The following FAHD2A variants were observed in gnomAD, a reference collection of about 807,000 sequenced individuals.
FAHD2A encodes fumarylacetoacetate hydrolase domain containing 2A.
FAHD2A carries 27 observed loss-of-function variants against 33.4 expected under a neutral mutation model. That is an observed-to-expected ratio of 0.81 (90% CI 0.60 to 1.11). The LOEUF is 1.11. Among genes scored for constraint, FAHD2A ranks in the 50% most tolerant of loss-of-function variants. The pLI is 0.00. For missense variants in FAHD2A, 296 were observed against 395.0 expected, an observed-to-expected ratio of 0.75 and a Z score of 2.12; for synonymous variants, 130 against 153.3, an observed-to-expected ratio of 0.85 and a Z score of 1.12.
In FAHD2A at chr2:95,412,733, G is replaced by A; in HGVS notation, c.851G>A (p.Gly284Asp). The A allele has an allele frequency of 6.2e-7, 1 of 1,614,160 alleles. No homozygotes were observed. Among genetic ancestry groups the A allele is most frequent in the Non-Finnish European group, 8.5e-7 (1 of 1,180,016 alleles). The change falls in exon 7 of 8, where the codon GGT becomes GAT. Residue 284 changes from glycine to aspartate, a missense_variant. Transcript: ENST00000233379. ...CTAACTGGGACCCCCCCAGGTGTCG[G>A]TGTATTCAGGAAACCTCCTGTCTTT... ...VILTGTPPGV[G>D]VFRKPPVFLK... is the part of the protein sequence containing the mutation.
At chr2:95,418,455 GAATGTGACC>G (rs1285058559), downstream of FAHD2A, among the ~76,000 whole-genome samples, 1 of 151,962 alleles carries the variant, frequency 6.6e-6, no homozygotes, top group African/African-American at 2.4e-5. Context: ...TGAAAGAAGA[GAATGTGACC>G]AAGGCCCCAA....
rs1682871279 is a variant in FAHD2A at position 95,413,621 on chromosome 2, A to G, written c.*664A>G. On this transcript the variant is annotated 3_prime_UTR_variant, in exon 8 of 8. Transcript: ENST00000233379. ...CACTCACCACAGGGACTGTGTCCAC[A>G]TGGCCCAGGGGCCAGGCCTGTCCCC... 2 of 1,479,782 alleles carry G rather than the reference A, an allele frequency of 1.4e-6. No individual in the cohort carries two copies. The highest frequency in any genetic ancestry group is 2.4e-4 in the Middle Eastern group (1 of 4,122). The allele number at this position is 1,479,782 out of a possible 1,614,324, so 91.7% of individuals were successfully genotyped here.
Position 95,414,591 on chromosome 2 carries a change from A to G in FAHD2A, c.*1634A>G. On this transcript the variant is annotated 3_prime_UTR_variant, in exon 8 of 8. Transcript: ENST00000233379. ...TTCCTCCTCCCTGCTCCAGAATTCT[A>G]CTTGGTGCCCCCCAACCCCACTCGA... 3.9e-6 allele frequency: 1 copy of G among 259,604 alleles called. No homozygotes were observed. Among genetic ancestry groups the G allele is most frequent in the Non-Finnish European group, 7.5e-6 (1 of 132,694 alleles). The allele number at this position is 259,604 out of a possible 1,614,324, so 16.1% of individuals were successfully genotyped here.
chr2:95,415,486 A>G lies in FAHD2A; in HGVS notation c.*2529A>G, dbSNP rs1457205360. ...AGGAACATGTGAGATGAAGCATGTT[A>G]TGTTATTAGGCATTCTCTTGATTCG... On this transcript the variant is annotated 3_prime_UTR_variant, in exon 8 of 8. Coordinates refer to ENST00000233379, the MANE Select transcript of FAHD2A (RefSeq NM_016044.3). 1 of 152,514 alleles carries G rather than the reference A, an allele frequency of 6.6e-6. No homozygotes were observed. Among genetic ancestry groups the G allele is most frequent in the African/African-American group, 2.4e-5 (1 of 41,418 alleles). 9.4% of individuals were successfully genotyped at this position (152,514 alleles called of 1,614,324 possible). A position where few individuals can be genotyped will look rare whatever the true frequency, so the allele number is the denominator to read the frequency against.
At position 95,414,132 on chromosome 2, in the gene FAHD2A, A is replaced by G; in HGVS notation, c.*1175A>G. The G allele has an allele frequency of 2.0e-6, 3 of 1,509,932 alleles. No homozygotes were observed. The highest frequency in any genetic ancestry group is 2.7e-6 in the Non-Finnish European group (3 of 1,104,106). 93.5% of individuals were successfully genotyped at this position (1,509,932 alleles called of 1,614,324 possible). A position where few individuals can be genotyped will look rare whatever the true frequency, so the allele number is the denominator to read the frequency against. On this transcript the variant is annotated 3_prime_UTR_variant, in exon 8 of 8. Transcript: ENST00000233379. ...GAGGGATAGATCTCCGACTGGACAG[A>G]AGACTACTCTGCAGCCCGCCTTCCT... is the stretch of plus-strand genomic sequence containing the variant.
chr2:95,412,488 G>A lies in FAHD2A; in HGVS notation c.740G>A (p.Gly247Asp), dbSNP rs1389487809. 1.9e-6 allele frequency: 3 copies of A among 1,613,826 alleles called. No homozygotes were observed. The Admixed American group carries it at 5.0e-5, about 27-fold the overall frequency. The change falls in exon 6 of 8, where the codon GGC becomes GAC. Residue 247 changes from glycine (G) to aspartate (D), a missense_variant. Coordinates refer to ENST00000233379, the MANE Select transcript of FAHD2A (RefSeq NM_016044.3). ...GTGAATGGGGAAGTGGTCCAGAGCG[G>A]CAACACCAACCAGATGGTATTCAAG... is the stretch of plus-strand genomic sequence containing the variant. ...CRVNGEVVQS[G>D]NTNQMVFKTE...
At chr2:95,410,423 C>T in intron 3 of FAHD2A, 104 bp from the exon 4 acceptor site, 1 of 1,454,700 alleles carries the variant, frequency 6.9e-7, no homozygotes, top group Non-Finnish European at 9.4e-7. Flanking sequence ...GCAGCGAAGC[C>T]ATACTGACAA....
downstream of FAHD2A, among the ~76,000 whole-genome samples, chr2:95,417,933 A>C (rs1683253741): frequency 6.6e-6 from 1 of 152,116 alleles, no homozygotes; most frequent in Non-Finnish European, 1.5e-5. Context: ...GTATACAAAT[A>C]TGCAGTCCAC....
At chr2:95,417,838 C>A (rs1683251354), downstream of FAHD2A, among the ~76,000 whole-genome samples, 1 of 152,084 alleles carries the variant, frequency 6.6e-6, no homozygotes, top group Admixed American at 6.5e-5. Flanking sequence ...ATGAGGGCTC[C>A]ATCCCCATGA....
At chr2:95,418,166 A>G (rs1450704922), downstream of FAHD2A, among the ~76,000 whole-genome samples, 1 of 152,068 alleles carries the variant, frequency 6.6e-6, no homozygotes, top group Non-Finnish European at 1.5e-5. Context: ...GTACCTGTAG[A>G]AGTCTCTGAG....
At chr2:95,417,326 G>A (rs1573597248), downstream of FAHD2A, among the ~76,000 whole-genome samples, 1 of 152,302 alleles carries the variant, frequency 6.6e-6, no homozygotes, top group East Asian at 1.9e-4. Flanking sequence ...GCAGGAAGCT[G>A]CAGCAGCTTC....
downstream of FAHD2A, among the ~76,000 whole-genome samples, chr2:95,418,871 T>C (rs1301772178): frequency 1.3e-5 from 2 of 151,990 alleles, no homozygotes; most frequent in African/African-American, 4.8e-5. Flanking sequence ...TATTTGAAAA[T>C]AAAGTCTTTG....
Position 95,414,190 on chromosome 2 carries a change from G to C in FAHD2A, c.*1233G>C. On this transcript the variant is annotated 3_prime_UTR_variant, in exon 8 of 8. Transcript: ENST00000233379. ...GGTTGTCACTGTCCGGCAGGGGGCA[G>C]CAGCCACCAGCAAACACCACTGCCT... 3 of 1,582,224 alleles carry C rather than the reference G, an allele frequency of 1.9e-6. No homozygotes were observed. The highest frequency in any genetic ancestry group is 8.6e-7 in the Non-Finnish European group (1 of 1,165,394).
intron 2 of FAHD2A, 87 bp from the exon 3 acceptor site, chr2:95,406,854 C>A: frequency 1.4e-6 from 2 of 1,472,530 alleles, no homozygotes; most frequent in Non-Finnish European, 1.8e-6. Flanking sequence ...AAAGCAAAAC[C>A]TGTAGCTGCT....
At position 95,414,147 on chromosome 2, in the gene FAHD2A, C is replaced by A; in HGVS notation, c.*1190C>A. 6.5e-7 allele frequency: 1 copy of A among 1,540,796 alleles called. No homozygotes were observed. The highest frequency in any genetic ancestry group is 1.2e-5 in the South Asian group (1 of 83,624). On this transcript the variant is annotated 3_prime_UTR_variant, in exon 8 of 8. Coordinates refer to ENST00000233379, the MANE Select transcript of FAHD2A (RefSeq NM_016044.3). ...GACTGGACAGAAGACTACTCTGCAG[C>A]CCGCCTTCCTAGAGTTGGGTTGTCA...
In FAHD2A at chr2:95,414,981, T is replaced by A. The variant is rs1206465118; in HGVS notation, c.*2024T>A. The stretch of plus-strand genomic sequence containing the variant: ...AGGTAGAGACGGAGCCCTCCACCCC[T>A]CTCACACACTCATCCTCACACCCAG... On this transcript the variant is annotated 3_prime_UTR_variant, in exon 8 of 8. Transcript: ENST00000233379. 2 of 152,100 alleles carry A rather than the reference T, an allele frequency of 1.3e-5. No homozygotes were observed. The highest frequency in any genetic ancestry group is 3.9e-4 in the East Asian group (2 of 5,190). The allele number at this position is 152,100 out of a possible 1,614,324, so 9.4% of individuals were successfully genotyped here. A position where few individuals can be genotyped will look rare whatever the true frequency, so the allele number is the denominator to read the frequency against.
chr2:95,410,624 G>A, intron 4 of FAHD2A, 38 bp downstream of exon 4: 11 of 1,610,054 alleles, frequency 6.8e-6, no homozygotes, highest in Admixed American at 1.7e-5. Context: ...CCAGAGTGCA[G>A]CAGAGGCCCC....
At chr2:95,418,656 C>A (rs1009256817), downstream of FAHD2A, among the ~76,000 whole-genome samples, 1 of 151,872 alleles carries the variant, frequency 6.6e-6, no homozygotes, top group African/African-American at 2.4e-5. Flanking sequence ...GCAGGACACT[C>A]ACAAAGATGG....
Position 95,415,011 on chromosome 2 carries a change from A to G in FAHD2A, c.*2054A>G, listed in dbSNP as rs1197608489. 3 of 152,134 alleles carry G rather than the reference A, an allele frequency of 2.0e-5. No individual in the cohort carries two copies. The highest frequency in any genetic ancestry group is 4.4e-5 in the Non-Finnish European group (3 of 68,042). The allele number at this position is 152,134 out of a possible 1,614,324, so 9.4% of individuals were successfully genotyped here. Reference sequence around the variant, plus strand: ...CACACTCATCCTCACACCCAGCTATACCACACCCCACAAATGTTGCTTATG... The same window carrying G: ...CACACTCATCCTCACACCCAGCTATGCCACACCCCACAAATGTTGCTTATG... On this transcript the variant is annotated 3_prime_UTR_variant, in exon 8 of 8. Coordinates refer to ENST00000233379, the MANE Select transcript of FAHD2A (RefSeq NM_016044.3).
Sources: allele counts gnomAD v4.1 joint callset (sites outside exome capture counted in the v4.1 genomes callset), GRCh38; gene constraint gnomAD v4.1.1; transcripts MANE v1.5; gene names NCBI Gene and HGNC (gene_info 2026-07-23, HGNC 2026-07-21).